RPRD2: variants seen among roughly 807,000 people sequenced by gnomAD.
RPRD2 encodes regulation of nuclear pre-mRNA domain-containing protein 2.
In RPRD2, 12 loss-of-function variants were observed where a neutral mutation model predicts 104.4. The observed-to-expected ratio is 0.11, with a 90% CI of 0.07 to 0.19. The LOEUF (loss-of-function observed/expected upper bound fraction) is 0.19, where lower values mean the gene tolerates loss of function less well. RPRD2 is among the 10% of genes least tolerant of loss of function. The probability of loss-of-function intolerance (pLI) is 1.00; values close to 1 mark genes in which losing one functional copy is unlikely to be tolerated. For synonymous variants in RPRD2, 714 were observed against 684.9 expected (o/e 1.04, Z -0.66); for missense variants, 1,543 against 1,790.1 (o/e 0.86, Z 2.49).
intron 1 of RPRD2, among the ~76,000 whole-genome samples, chr1:150,396,570 A>G (rs1662546833): frequency 1.3e-5 from 2 of 152,146 alleles, no homozygotes; most frequent in Non-Finnish European, 2.9e-5. Flanking sequence ...ATTCTTCTAC[A>G]TGTGGCTTGC....
chr1:150,448,531 T>G (rs1443608313), intron 7 of RPRD2, among the ~76,000 whole-genome samples: 1 of 152,214 alleles, frequency 6.6e-6, no homozygotes, highest in Non-Finnish European at 1.5e-5. Context: ...ATAATCATAC[T>G]TAATTACTCT....
intron 1 of RPRD2, among the ~76,000 whole-genome samples, chr1:150,400,360 C>T (rs1286234287): frequency 6.6e-6 from 1 of 152,062 alleles, no homozygotes; most frequent in Non-Finnish European, 1.5e-5. Flanking sequence ...CTTTCTTTCC[C>T]TTGCCTTATT....
intron 1 of RPRD2, among the ~76,000 whole-genome samples, 184 bp downstream of exon 1, chr1:150,365,103 G>A (rs587677052): frequency 6.6e-6 from 1 of 152,346 alleles, no homozygotes; most frequent in South Asian, 2.1e-4. Context: ...AATTGCAGGA[G>A]ACTCATTTCT....
intron 1 of RPRD2, among the ~76,000 whole-genome samples, chr1:150,392,031 C>T (rs1326765114): frequency 6.6e-6 from 1 of 151,982 alleles, no homozygotes; most frequent in African/African-American, 2.4e-5. Context: ...AGGCCCATCT[C>T]TACTAAAAAT....
intron 1 of RPRD2, among the ~76,000 whole-genome samples, chr1:150,380,031 T>G (rs1644418823): frequency 6.6e-6 from 1 of 152,238 alleles, no homozygotes; most frequent in African/African-American, 2.4e-5. Flanking sequence ...CTCTAGGCTT[T>G]ATTTTATCAA....
At chr1:150,427,477 AAAAAAAAAAAG>A (rs1665225765) in intron 2 of RPRD2, among the ~76,000 whole-genome samples, 1 of 141,880 alleles carries the variant, frequency 7.0e-6, no homozygotes, top group African/African-American at 2.7e-5. Context: ...TATCTCAAAA[AAAAAAAAAAAG>A]AAAAGAAAAG....
At chr1:150,428,534 G>A (rs901432487) in intron 2 of RPRD2, among the ~76,000 whole-genome samples, 7 of 150,208 alleles carry the variant, frequency 4.7e-5, no homozygotes, top group Non-Finnish European at 1.0e-4. Context: ...AGTATTGACT[G>A]CCTCTCTCTT....
chr1:150,428,300 A>G (rs1163635024), intron 2 of RPRD2, among the ~76,000 whole-genome samples: 2 of 151,890 alleles, frequency 1.3e-5, no homozygotes, highest in African/African-American at 2.4e-5. Context: ...AAAAATACAA[A>G]AAATTAGCTG....
chr1:150,406,499 C>T (rs1210147771), intron 1 of RPRD2, among the ~76,000 whole-genome samples: 3 of 152,114 alleles, frequency 2.0e-5, no homozygotes, highest in African/African-American at 7.2e-5. Flanking sequence ...CTCTGTCTCC[C>T]AGGTTCAGGT....
intron 2 of RPRD2, among the ~76,000 whole-genome samples, chr1:150,437,903 T>A (rs1268624585): frequency 6.6e-6 from 1 of 150,536 alleles, no homozygotes; most frequent in African/African-American, 2.4e-5. Context: ...TTTCTAGAGG[T>A]TTATTAACCA....
rs34200262 is a variant in RPRD2 at position 150,466,377 on chromosome 1, CAAAA to C, written c.1612+1669_1612+1672del. On this transcript the variant is annotated intron_variant, in intron 10 of 10. Transcript: ENST00000369068. ...TGGGCAAAAGAGCAAGACTCTGTCT[CAAAA>C]AAAAAAAAAAAAAAAAAATTAGCTG... is the stretch of plus-strand genomic sequence containing the variant. Among the ~76,000 whole-genome samples the C allele has an allele frequency of 3.8e-3, 399 of 105,010 alleles. 2 individuals carry two copies. The highest frequency in any genetic ancestry group is 0.011 in the African/African-American group (299 of 26,100). 68.9% of individuals were successfully genotyped at this position (105,010 alleles called of 152,430 possible).
At chr1:150,443,182 C>G in intron 4 of RPRD2, 49 bp from the exon 5 acceptor site, 1 of 1,454,756 alleles carries the variant, frequency 6.9e-7, no homozygotes, top group Non-Finnish European at 9.4e-7. Flanking sequence ...TCCTGTTAGT[C>G]AACTTTTTGT....
chr1:150,373,400 A>G (rs1308990213), intron 1 of RPRD2, among the ~76,000 whole-genome samples: 1 of 152,004 alleles, frequency 6.6e-6, no homozygotes, highest in Non-Finnish European at 1.5e-5. Context: ...TAAAATATTG[A>G]TGGCTTGGAC....
chr1:150,465,970 G>A (rs1171420466), intron 10 of RPRD2, among the ~76,000 whole-genome samples: 1 of 135,738 alleles, frequency 7.4e-6, no homozygotes, highest in Non-Finnish European at 1.5e-5. Flanking sequence ...CCGGAATCAC[G>A]CTACTGCACT....
At chr1:150,378,963 CAG>C (rs1369708795) in intron 1 of RPRD2, among the ~76,000 whole-genome samples, 4 of 119,868 alleles carry the variant, frequency 3.3e-5, no homozygotes, top group African/African-American at 1.3e-4. Context: ...GCCTGGGCAA[CAG>C]AGTGAGACTT....
At position 150,388,510 on chromosome 1, in the gene RPRD2, C is replaced by A. The variant is rs587660269; in HGVS notation, c.205+23591C>A. On this transcript the variant is annotated intron_variant, in intron 1 of 10. Transcript: ENST00000369068. ...ATATATACCCGCGCACACACACACA[C>A]ACACACACACACATATATACACCCT... Among the ~76,000 whole-genome samples the A allele has an allele frequency of 3.7e-3, 541 of 147,400 alleles. 4 individuals carry two copies. The highest frequency in any genetic ancestry group is 4.6e-3 in the Non-Finnish European group (312 of 67,126).
intron 1 of RPRD2, among the ~76,000 whole-genome samples, chr1:150,403,508 A>G (rs1355133484): frequency 1.3e-5 from 2 of 152,152 alleles, no homozygotes; most frequent in East Asian, 3.8e-4. Flanking sequence ...TAATGGAATC[A>G]TATAGTATCT....
At chr1:150,433,643 A>G (rs1665771259) in intron 2 of RPRD2, among the ~76,000 whole-genome samples, 1 of 148,558 alleles carries the variant, frequency 6.7e-6, no homozygotes, top group African/African-American at 2.4e-5. Flanking sequence ...ATGGGGTTTC[A>G]CAGTGTTAGC....
Position 150,470,903 on chromosome 1 carries a change from C to T in RPRD2, c.1955C>T (p.Ser652Leu). Residue 652 changes from serine (S) to leucine (L), a missense_variant, in exon 11 of 11, where the codon TCA (serine) becomes TTA (leucine). This residue lies in a region of RPRD2 where 572 missense variants were observed against 787.3 expected (regional missense o/e 0.73). Transcript: ENST00000369068. ...ACTGAAGTTACCATCTGCCAATCTTCAGAGGTCTCCAAGCCAAAGCTGGAG... is the reference window on the plus strand; with the variant it reads ...ACTGAAGTTACCATCTGCCAATCTTTAGAGGTCTCCAAGCCAAAGCTGGAG... ...PPTEVTICQS[S>L]EVSKPKLESE... is the part of the protein sequence containing the mutation. 1 of 1,614,010 alleles carries T rather than the reference C, an allele frequency of 6.2e-7. No individual in the cohort carries two copies. The highest frequency in any genetic ancestry group is 1.3e-5 in the African/African-American group (1 of 75,052).
Sources: gnomAD v4.1 joint callset for allele counts (sites outside exome capture counted in the v4.1 genomes callset) on GRCh38, gnomAD v4.1.1 for gene constraint, gnomAD v4.1.1 regional missense constraint, MANE v1.5 for transcripts, NCBI Gene and HGNC (gene_info 2026-07-23, HGNC 2026-07-21) for gene names.